Variants in ASCC3 observed in about 807,000 individuals in gnomAD.
The protein encoded by ASCC3 is activating signal cointegrator 1 complex subunit 3, also known as ASC-1 complex subunit P200.
A neutral mutation model predicts 256.3 loss-of-function variants in ASCC3; 158 were observed. The ratio of observed to expected loss-of-function variants is 0.62; its 90% CI spans 0.54 to 0.70. ASCC3 has a LOEUF of 0.70. ASCC3 is among the 30% of genes least tolerant of loss of function. ASCC3 has a pLI of 0.00. For synonymous variants in ASCC3, 948 were observed against 883.4 expected (o/e 1.07, Z -1.30); for missense variants, 2,259 against 2,626.0 (o/e 0.86, Z 3.05).
At chr6:100,552,978 C>T (rs1769377588) in intron 36 of ASCC3, among the ~76,000 whole-genome samples, 1 of 151,732 alleles carries the variant, frequency 6.6e-6, no homozygotes, top group South Asian at 2.1e-4. Flanking sequence ...GCTATTTAAT[C>T]CTCAATTGCT....
chr6:100,592,174 C>T (rs964097153), intron 34 of ASCC3, among the ~76,000 whole-genome samples: 1 of 149,558 alleles, frequency 6.7e-6, no homozygotes, highest in Non-Finnish European at 1.5e-5. Context: ...AATGATGTTT[C>T]TGAGATTACA....
At chr6:100,679,517 AT>A in intron 14 of ASCC3, 100 bp downstream of exon 14, 1 of 1,552,662 alleles carries the variant, frequency 6.4e-7, no homozygotes, top group East Asian at 2.3e-5. Context: ...AATCTGCAAA[AT>A]TAACTTCTTG....
intron 36 of ASCC3, among the ~76,000 whole-genome samples, chr6:100,563,581 C>G (rs1161651124): frequency 2.6e-5 from 4 of 151,986 alleles, no homozygotes; most frequent in African/African-American, 9.7e-5. Context: ...ATTCCTCGCA[C>G]GTGGATTAGC....
chr6:100,544,883 T>C (rs1011411820), intron 36 of ASCC3, among the ~76,000 whole-genome samples: 6 of 152,002 alleles, frequency 3.9e-5, no homozygotes, highest in African/African-American at 1.5e-4. Flanking sequence ...CCACAAAATA[T>C]CTCTCATAAA....
At chr6:100,832,069 T>A (rs1771648614) in intron 4 of ASCC3, among the ~76,000 whole-genome samples, 1 of 151,924 alleles carries the variant, frequency 6.6e-6, no homozygotes, top group Non-Finnish European at 1.5e-5. Flanking sequence ...AGATATAGAG[T>A]GAGAGGTTCC....
At chr6:100,853,129 G>A (rs970683990) in intron 3 of ASCC3, among the ~76,000 whole-genome samples, 3 of 151,996 alleles carry the variant, frequency 2.0e-5, no homozygotes, top group Non-Finnish European at 4.4e-5. Flanking sequence ...ACCTTATATA[G>A]AACCTTACCA....
intron 8 of ASCC3, among the ~76,000 whole-genome samples, chr6:100,778,769 G>T (rs1330020191): frequency 6.6e-6 from 1 of 152,030 alleles, no homozygotes; most frequent in Admixed American, 6.6e-5. Flanking sequence ...TCTAAAAATT[G>T]AATAACTTGG....
rs146155642 is a variant in ASCC3, at chr6:100,630,326, T to A, written c.4208+802A>T. Among the ~76,000 whole-genome samples, 85 of 152,284 alleles carry A rather than the reference T, an allele frequency of 5.6e-4. 1 individual carries two copies. Among genetic ancestry groups the A allele is most frequent in the African/African-American group, 1.9e-3 (81 of 41,576 alleles). Reference sequence around the variant, plus strand: ...TTTACATTTTATATGTTATTTTGAATATGGACTATATTCACATGGTTCAAA... The same window carrying A: ...TTTACATTTTATATGTTATTTTGAAAATGGACTATATTCACATGGTTCAAA... On this transcript the variant is annotated intron_variant, in intron 26 of 41. Transcript: ENST00000369162.
intron 1 of ASCC3, among the ~76,000 whole-genome samples, chr6:100,879,424 C>T (rs1045731773): frequency 1.3e-5 from 2 of 152,150 alleles, no homozygotes; most frequent in African/African-American, 2.4e-5. Context: ...ATTCCTTGAC[C>T]TTTCTGGTAA....
intron 16 of ASCC3, among the ~76,000 whole-genome samples, chr6:100,657,862 A>G (rs1232972648): frequency 6.6e-6 from 1 of 151,488 alleles, no homozygotes; most frequent in African/African-American, 2.4e-5. Context: ...TAATATTTGA[A>G]TGCCACCTAG....
At chr6:100,576,502 A>G (rs1051991688) in intron 36 of ASCC3, among the ~76,000 whole-genome samples, 2 of 152,030 alleles carry the variant, frequency 1.3e-5, no homozygotes, top group African/African-American at 4.8e-5. Context: ...AAAAGGAAAT[A>G]GGGTATAAAA....
At chr6:100,867,853 G>A (rs1773551579) in intron 2 of ASCC3, 55 bp downstream of exon 2, 1 of 1,388,580 alleles carries the variant, frequency 7.2e-7, no homozygotes, top group Non-Finnish European at 1.0e-6. Flanking sequence ...TCAAATAGTT[G>A]TCCATAGTCT....
chr6:100,532,333 TGC>T (rs1349395143), intron 37 of ASCC3, among the ~76,000 whole-genome samples: 10 of 88,870 alleles, frequency 1.1e-4, no homozygotes, highest in African/African-American at 4.0e-4. Flanking sequence ...AATGCTATCT[TGC>T]GTGTGTGTGT....
At chr6:100,605,235 C>T (rs1054772080) in intron 33 of ASCC3, among the ~76,000 whole-genome samples, 1 of 152,114 alleles carries the variant, frequency 6.6e-6, no homozygotes, top group Non-Finnish European at 1.5e-5. Context: ...GCTACCATCT[C>T]CATTTTACAA....
At chr6:100,678,707 A>G (rs1038210070) in intron 14 of ASCC3, among the ~76,000 whole-genome samples, 3 of 152,102 alleles carry the variant, frequency 2.0e-5, no homozygotes, top group African/African-American at 7.2e-5. Flanking sequence ...TTATTTCATA[A>G]TTTATTTTCA....
intron 10 of ASCC3, among the ~76,000 whole-genome samples, chr6:100,761,058 T>C (rs1471494677): frequency 2.0e-5 from 3 of 152,090 alleles, no homozygotes; most frequent in Non-Finnish European, 4.4e-5. Context: ...AAACTAAAGA[T>C]AAAGAAAGAA....
At chr6:100,575,426 A>T (rs1461005993) in intron 36 of ASCC3, among the ~76,000 whole-genome samples, 1 of 152,102 alleles carries the variant, frequency 6.6e-6, no homozygotes, top group Non-Finnish European at 1.5e-5. Flanking sequence ...AAAATGTTGT[A>T]TTACTGAAAA....
intron 36 of ASCC3, among the ~76,000 whole-genome samples, chr6:100,589,366 C>T (rs538581072): frequency 2.0e-5 from 3 of 152,136 alleles, no homozygotes; most frequent in African/African-American, 4.8e-5. Flanking sequence ...ACTTGCCTTG[C>T]TCAGGACAGT....
chr6:100,862,583 T>C (rs946618278), intron 3 of ASCC3, among the ~76,000 whole-genome samples: 1 of 152,156 alleles, frequency 6.6e-6, no homozygotes. Flanking sequence ...AAATTCTCTC[T>C]CTACCAAGGA....
Sources: allele counts gnomAD v4.1 joint callset (sites outside exome capture counted in the v4.1 genomes callset), GRCh38; gene constraint gnomAD v4.1.1; transcripts MANE v1.5; gene names NCBI Gene and HGNC (gene_info 2026-07-23, HGNC 2026-07-21).